NTRK2: variants seen among roughly 807,000 people sequenced by gnomAD.
NTRK2 encodes BDNF/NT-3 growth factors receptor.
Under a neutral mutation model 94.5 loss-of-function variants are expected in NTRK2, and 13 were observed. The observed-to-expected ratio is 0.14, with a 90% CI of 0.09 to 0.22. NTRK2 has a LOEUF of 0.22. Ranked by LOEUF, NTRK2 falls within the 10% of genes least tolerant of loss-of-function variation. The probability of loss-of-function intolerance (pLI) is 1.00; values close to 1 mark genes in which losing one functional copy is unlikely to be tolerated. For missense variants in NTRK2, 639 were observed against 1,071.2 expected (o/e 0.60, Z 5.63); for synonymous variants, 372 against 407.4 (o/e 0.91, Z 1.05).
intron 14 of NTRK2, among the ~76,000 whole-genome samples, chr9:84,926,176 T>TCC (rs1564471164): frequency 1.5e-5 from 1 of 66,492 alleles, no homozygotes; most frequent in African/African-American, 4.9e-5. Context: ...CTTCCTTTCT[T>TCC]TCTTTCTTTC....
At chr9:84,777,324 A>C (rs2067145150) in intron 12 of NTRK2, among the ~76,000 whole-genome samples, 1 of 152,184 alleles carries the variant, frequency 6.6e-6, no homozygotes, top group African/African-American at 2.4e-5. Flanking sequence ...TGTTTACAAG[A>C]TTGGAAAATA....
chr9:84,782,053 C>CACACACAA (rs1157328829), intron 12 of NTRK2, among the ~76,000 whole-genome samples: 3 of 151,648 alleles, frequency 2.0e-5, no homozygotes, highest in African/African-American at 7.3e-5. Context: ...CACACACACA[C>CACACACAA]ACACACACAC....
intron 17 of NTRK2, among the ~76,000 whole-genome samples, chr9:84,990,013 G>T (rs564510912): frequency 2.6e-5 from 4 of 151,920 alleles, no homozygotes; most frequent in Admixed American, 6.5e-5. Context: ...TTTTGCTGGG[G>T]GTTTTTTGCC....
chr9:84,947,080 C>A (rs540449451), intron 15 of NTRK2, among the ~76,000 whole-genome samples: 2 of 152,078 alleles, frequency 1.3e-5, no homozygotes, highest in African/African-American at 2.4e-5. Flanking sequence ...CTCAGCCTCC[C>A]GAGTATCTGG....
At chr9:84,811,909 ACCCC>A in intron 12 of NTRK2, 4 of 629,922 alleles carry the variant, frequency 6.3e-6, no homozygotes, top group Non-Finnish European at 7.9e-6. Flanking sequence ...GGCTATCCCC[ACCCC>A]ACCCCACCCC....
intron 6 of NTRK2, among the ~76,000 whole-genome samples, 183 bp downstream of exon 6, chr9:84,710,974 A>C (rs2061385361): frequency 6.6e-6 from 1 of 152,218 alleles, no homozygotes; most frequent in Non-Finnish European, 1.5e-5. Context: ...ATTAATTCAG[A>C]GTGGATGGCT....
At position 85,022,158 on chromosome 9, in the gene NTRK2, T is replaced by C. The variant is rs2118043804; in HGVS notation, c.*721T>C. On this transcript the variant is annotated 3_prime_UTR_variant, in exon 19 of 19. Coordinates refer to ENST00000277120, the MANE Select transcript of NTRK2 (RefSeq NM_006180.6). ...AACCACTGGGATCAGCTGGTGTCAG[T>C]CCCTACTTAGGAAATACTCAGCAAC... is the stretch of plus-strand genomic sequence containing the variant. The C allele has an allele frequency of 4.3e-6, 1 of 233,328 alleles. No individual in the cohort carries two copies. Among genetic ancestry groups the C allele is most frequent in the South Asian group, 1.8e-4 (1 of 5,522 alleles). The allele number at this position is 233,328 out of a possible 1,614,324, so 14.5% of individuals were successfully genotyped here.
intron 12 of NTRK2, among the ~76,000 whole-genome samples, chr9:84,791,840 A>G (rs1408705739): frequency 6.6e-6 from 1 of 152,194 alleles, no homozygotes; most frequent in Admixed American, 6.5e-5. Flanking sequence ...AGCTTGAAAA[A>G]TGTCTAGACT....
At chr9:84,764,840 A>G (rs2065890341) in intron 12 of NTRK2, among the ~76,000 whole-genome samples, 2 of 152,318 alleles carry the variant, frequency 1.3e-5, no homozygotes, top group South Asian at 4.1e-4. Context: ...GGATAAAGAA[A>G]CTGTGGTGCT....
chr9:84,836,229 G>A (rs2073866359), intron 12 of NTRK2, among the ~76,000 whole-genome samples: 1 of 152,116 alleles, frequency 6.6e-6, no homozygotes, highest in African/African-American at 2.4e-5. Context: ...TTGATATGGG[G>A]CAAAAAAATC....
intron 2 of NTRK2, among the ~76,000 whole-genome samples, chr9:84,687,891 C>A (rs373382962): frequency 2.6e-5 from 4 of 152,260 alleles, no homozygotes; most frequent in African/African-American, 9.6e-5. Flanking sequence ...GATGGCCCTA[C>A]CTTTCTCTCT....
At chr9:84,798,507 CCCTTGGCTGG>C (rs1425496620) in intron 12 of NTRK2, among the ~76,000 whole-genome samples, 10 of 152,164 alleles carry the variant, frequency 6.6e-5, no homozygotes, top group Admixed American at 1.3e-4. Context: ...CCTGAGTCTG[CCCTTGGCTGG>C]CCCTGTGCCC....
At chr9:84,888,869 A>G (rs916819524) in intron 14 of NTRK2, among the ~76,000 whole-genome samples, 2 of 151,908 alleles carry the variant, frequency 1.3e-5, no homozygotes, top group East Asian at 3.9e-4. Context: ...CATGATCAGG[A>G]CAAATCACAA....
intron 12 of NTRK2, among the ~76,000 whole-genome samples, chr9:84,836,180 A>T (rs2073863008): frequency 6.6e-6 from 1 of 152,258 alleles, no homozygotes; most frequent in South Asian, 2.1e-4. Context: ...CATTTTATTA[A>T]TCAAAGAGTT....
At chr9:84,758,455 G>T (rs1183701839) in intron 12 of NTRK2, among the ~76,000 whole-genome samples, 1 of 152,084 alleles carries the variant, frequency 6.6e-6, no homozygotes, top group Non-Finnish European at 1.5e-5. Context: ...GCAGTGGCAT[G>T]ATCTCGGCTC....
intron 12 of NTRK2, among the ~76,000 whole-genome samples, chr9:84,802,291 C>CTGCGAA (rs141689664): frequency 0.019 from 2,884 of 152,216 alleles, 89 homozygotes; most frequent in African/African-American, 0.065. Flanking sequence ...GAAAAATAAA[C>CTGCGAA]TGCGAAATCT....
At chr9:84,956,206 C>T (rs984731111) in intron 17 of NTRK2, among the ~76,000 whole-genome samples, 1 of 152,182 alleles carries the variant, frequency 6.6e-6, no homozygotes, top group African/African-American at 2.4e-5. Context: ...CCTCCAAGCG[C>T]CATCTTGGTT....
intron 12 of NTRK2, among the ~76,000 whole-genome samples, chr9:84,759,876 G>A (rs923084087): frequency 1.3e-5 from 2 of 152,082 alleles, no homozygotes; most frequent in Non-Finnish European, 2.9e-5. Context: ...TGGTGGAAAA[G>A]CTTTTCAGAA....
intron 16 of NTRK2, among the ~76,000 whole-genome samples, chr9:84,949,430 G>A (rs1426613198): frequency 6.7e-6 from 1 of 149,042 alleles, no homozygotes; most frequent in Non-Finnish European, 1.5e-5. Flanking sequence ...TTCTAGCATT[G>A]GCCTGATTGG....
Sources: gnomAD v4.1 joint callset for allele counts (sites outside exome capture counted in the v4.1 genomes callset) on GRCh38, gnomAD v4.1.1 for gene constraint, MANE v1.5 for transcripts, NCBI Gene and HGNC (gene_info 2026-07-23, HGNC 2026-07-21) for gene names.